Variants in UBE4A observed in about 807,000 individuals in gnomAD.
UBE4A encodes ubiquitin conjugation factor E4 A.
Under a neutral mutation model 117.9 loss-of-function variants are expected in UBE4A, and 48 were observed. The observed-to-expected ratio is 0.41, with a 90% CI of 0.32 to 0.52. The LOEUF is 0.52. Ranked by LOEUF, UBE4A falls within the 20% of genes least tolerant of loss-of-function variation. UBE4A has a pLI of 0.33. For missense variants in UBE4A, 1,067 were observed against 1,296.3 expected (o/e 0.82, Z 2.72); for synonymous variants, 407 against 450.0 (o/e 0.90, Z 1.21).
At chr11:118,373,715 C>T (rs1366411602) in intron 8 of UBE4A, 30 bp downstream of exon 8, 9 of 1,590,418 alleles carry the variant, frequency 5.7e-6, no homozygotes, top group Non-Finnish European at 7.7e-6. Context: ...TATCCCAGCC[C>T]CCTGATCTTA....
rs60210750 is a variant in UBE4A at position 118,392,403 on chromosome 11, A to C, written c.2917-335A>C. Among the ~76,000 whole-genome samples, 447 of 152,256 alleles carry C rather than the reference A, an allele frequency of 2.9e-3. 2 individuals are homozygous for C. The highest frequency in any genetic ancestry group is 0.01 in the African/African-American group (426 of 41,556). On this transcript the variant is annotated intron_variant, in intron 18 of 19. Transcript: ENST00000252108. ...CTCCTCCATTCTCCCTTCTCCATCCACTTTTGAATTATGGCATTTACAACA... is the reference window on the plus strand; with the variant it reads ...CTCCTCCATTCTCCCTTCTCCATCCCCTTTTGAATTATGGCATTTACAACA...
intron 19 of UBE4A, among the ~76,000 whole-genome samples, chr11:118,393,948 G>A (rs185172159): frequency 6.6e-6 from 1 of 152,138 alleles, no homozygotes; most frequent in African/African-American, 2.4e-5. Flanking sequence ...ATTAACTCAC[G>A]TTCTGTTGCT....
rs2276419 is a variant in UBE4A at position 118,359,644 on chromosome 11, C to T, written c.-72C>T. The T allele has an allele frequency of 0.088, 13,385 of 152,300 alleles. 663 individuals are homozygous for T. Among genetic ancestry groups the T allele is most frequent in the Non-Finnish European group, 0.11 (7,524 of 68,056 alleles). 9.4% of individuals were successfully genotyped at this position (152,300 alleles called of 1,614,324 possible). A position where few individuals can be genotyped will look rare whatever the true frequency, so the allele number is the denominator to read the frequency against. On this transcript the variant is annotated 5_prime_UTR_variant, in exon 1 of 20. Transcript: ENST00000252108. ...AACCCTTCGGCCGCTGAGATTCTGT[C>T]GTGTCGTCGCTGCTGGCACTTCAGG...
chr11:118,373,596 C>G lies in UBE4A; in HGVS notation c.1027C>G (p.Pro343Ala), dbSNP rs751268784. The part of the protein sequence containing the change: ...ILSISCLLKT[P>A]GVVENHGYFL... ...GAGTATCTCCTGCTTATTAAAGACTCCGGGTGTTGTAGAAAATCATGGCTA... is the reference window on the plus strand; with the variant it reads ...GAGTATCTCCTGCTTATTAAAGACTGCGGGTGTTGTAGAAAATCATGGCTA... Residue 343 changes from proline to alanine, a missense_variant, in exon 8 of 20, where the codon CCG becomes GCG. By Grantham distance (27) the Pro-to-Ala change is conservative (BLOSUM62 -1). This residue lies in a region of UBE4A where 1,001 missense variants were observed against 1,184.0 expected (regional missense o/e 0.85). Transcript: ENST00000252108. The G allele has an allele frequency of 6.2e-7, 1 of 1,614,166 alleles. No individual in the cohort carries two copies. The highest frequency in any genetic ancestry group is 8.5e-7 in the Non-Finnish European group (1 of 1,180,038).
chr11:118,366,805 G>A (rs892555500), intron 2 of UBE4A, among the ~76,000 whole-genome samples: 21 of 152,278 alleles, frequency 1.4e-4, no homozygotes, highest in Non-Finnish European at 1.6e-4. Context: ...GCAGTGGCTC[G>A]CGCCTGTAAT....
At chr11:118,378,338 G>T (rs534563378) in intron 10 of UBE4A, among the ~76,000 whole-genome samples, 7 of 152,088 alleles carry the variant, frequency 4.6e-5, no homozygotes, top group Non-Finnish European at 1.0e-4. Context: ...ATGTTTATAA[G>T]GGAGCTAATG....
Position 118,379,506 on chromosome 11 carries a change from G to C in UBE4A, c.1632G>C (p.Arg544=). ...QNLHRLQVAW[R]DAQQSSSPAA... is the part of the protein sequence containing the mutation. ...TGCATCGGCTGCAGGTTGCCTGGCGGGATGCTCAGCAAAGTTCTAGCCCTG... is the reference window on the plus strand; with the variant it reads ...TGCATCGGCTGCAGGTTGCCTGGCGCGATGCTCAGCAAAGTTCTAGCCCTG... Residue 544 remains arginine, a synonymous_variant, in exon 11 of 20, where the codon CGG becomes CGC. Transcript: ENST00000252108. 1 of 1,614,178 alleles carries C rather than the reference G, an allele frequency of 6.2e-7. No homozygotes were observed. The highest frequency in any genetic ancestry group is 8.5e-7 in the Non-Finnish European group (1 of 1,180,008).
At chr11:118,386,182 A>G (rs1300526333) in intron 15 of UBE4A, among the ~76,000 whole-genome samples, 4 of 152,112 alleles carry the variant, frequency 2.6e-5, no homozygotes, top group Non-Finnish European at 5.9e-5. Context: ...GCATTTCACA[A>G]TGCTATACTA....
chr11:118,394,813 T>G (rs1948854321), intron 19 of UBE4A, among the ~76,000 whole-genome samples: 1 of 151,636 alleles, frequency 6.6e-6, no homozygotes, highest in Admixed American at 6.6e-5. Context: ...TACAAAAAAT[T>G]ATTTTTAATT....
chr11:118,395,016 A>C (rs1948856741), intron 19 of UBE4A, among the ~76,000 whole-genome samples: 1 of 151,992 alleles, frequency 6.6e-6, no homozygotes, highest in African/African-American at 2.4e-5. Context: ...AAGTTAAGGA[A>C]ATTTTTAAAT....
chr11:118,386,933 T>TA (rs1555127378), intron 16 of UBE4A, among the ~76,000 whole-genome samples: 1 of 152,162 alleles, frequency 6.6e-6, no homozygotes, highest in Non-Finnish European at 1.5e-5. Context: ...ATCTGAGAAA[T>TA]ACGCTTGAAT....
intron 3 of UBE4A, 38 bp from the exon 4 acceptor site, chr11:118,369,385 C>T: frequency 1.4e-6 from 2 of 1,470,886 alleles, no homozygotes; most frequent in South Asian, 2.3e-5. Flanking sequence ...AAAACAGAAG[C>T]ATTATCCTTA....
chr11:118,379,586 C>T lies in UBE4A; in HGVS notation c.1712C>T (p.Thr571Ile), dbSNP rs782099410. The change falls in exon 11 of 20, where the codon ACC becomes ATC. Residue 571 changes from threonine to isoleucine, a missense_variant. Around this residue, in one of 3 missense-constraint regions of UBE4A, gnomAD observed 1,001 missense variants for 1,184.0 expected, o/e 0.85. Transcript: ENST00000252108. ...FERLMTIYLSTKTAMTEPQML... is the reference protein window; with the variant it reads ...FERLMTIYLSIKTAMTEPQML... ...CGACTGATGACCATCTATCTTTCTACCAAGACTGCCATGACAGAGCCACAA... is the reference window on the plus strand; with the variant it reads ...CGACTGATGACCATCTATCTTTCTATCAAGACTGCCATGACAGAGCCACAA... The T allele has an allele frequency of 3.1e-6, 5 of 1,614,090 alleles. No individual in the cohort carries two copies. In the African/African-American group the frequency reaches 6.7e-5, roughly 22 times the overall value.
intron 5 of UBE4A, 132 bp from the exon 6 acceptor site, chr11:118,372,375 G>A: frequency 1.1e-6 from 1 of 913,514 alleles, no homozygotes; most frequent in Non-Finnish European, 1.5e-6. Context: ...CTTAAGCCAA[G>A]GAAGGAATCT....
chr11:118,375,516 C>T (rs1305057083), intron 9 of UBE4A, among the ~76,000 whole-genome samples: 6 of 152,134 alleles, frequency 3.9e-5, no homozygotes, highest in African/African-American at 1.4e-4. Context: ...CGCGCCACCA[C>T]GCCCAGCTAA....
At chr11:118,369,981 A>G (rs973499895) in intron 4 of UBE4A, among the ~76,000 whole-genome samples, 2 of 151,768 alleles carry the variant, frequency 1.3e-5, no homozygotes, top group Admixed American at 6.6e-5. Flanking sequence ...AGTCCCAACT[A>G]CTTGGGAGGC....
chr11:118,397,430 G>A lies in UBE4A; in HGVS notation c.*990G>A, dbSNP rs1433290977. ...TCACAAAATTCTGAGATTATAAAAT[G>A]TATATAGTTAATATTTGTTTGAGCT... On this transcript the variant is annotated 3_prime_UTR_variant, in exon 20 of 20. Transcript: ENST00000252108. The A allele has an allele frequency of 6.6e-6, 1 of 152,182 alleles. No individual in the cohort carries two copies. Among genetic ancestry groups the A allele is most frequent in the African/African-American group, 2.4e-5 (1 of 41,420 alleles). The allele number at this position is 152,182 out of a possible 1,614,324, so 9.4% of individuals were successfully genotyped here.
At chr11:118,377,613 C>G (rs1396990983) in intron 10 of UBE4A, among the ~76,000 whole-genome samples, 1 of 151,748 alleles carries the variant, frequency 6.6e-6, no homozygotes, top group South Asian at 2.1e-4. Flanking sequence ...ACTTTCTGCT[C>G]TTAAATTTTC....
In UBE4A at chr11:118,373,487, C is replaced by A; in HGVS notation, c.925-7C>A. ...GATGAATAAGCAGAACTTGTCTTCTCTTACAGGTTTTTGTAGAATACATTC... is the reference window on the plus strand; with the variant it reads ...GATGAATAAGCAGAACTTGTCTTCTATTACAGGTTTTTGTAGAATACATTC... On this transcript the variant is annotated splice_polypyrimidine_tract_variant and splice_region_variant and intron_variant, in intron 7 of 19. Transcript: ENST00000252108. 1 of 1,608,530 alleles carries A rather than the reference C, an allele frequency of 6.2e-7. No homozygotes were observed. The highest frequency in any genetic ancestry group is 1.1e-5 in the South Asian group (1 of 90,380).
Sources: allele counts gnomAD v4.1 joint callset (sites outside exome capture counted in the v4.1 genomes callset), GRCh38; gene constraint gnomAD v4.1.1; regional missense constraint gnomAD v4.1.1; transcripts MANE v1.5; gene names NCBI Gene and HGNC (gene_info 2026-07-23, HGNC 2026-07-21).